The following ENTPD1 variants were observed in gnomAD, a reference collection of about 807,000 sequenced individuals.
The protein encoded by ENTPD1 is ectonucleoside triphosphate diphosphohydrolase 1.
A neutral mutation model predicts 57.0 loss-of-function variants in ENTPD1; 33 were observed. The ratio of observed to expected loss-of-function variants is 0.58; its 90% confidence interval spans 0.44 to 0.77. ENTPD1 has a LOEUF of 0.77. Among genes scored for constraint, ENTPD1 ranks in the 30% least tolerant of loss-of-function variants. The pLI, the probability that ENTPD1 is intolerant of heterozygous loss-of-function variation, is 0.00. For synonymous variants in ENTPD1, 202 were observed against 218.8 expected, an observed-to-expected ratio of 0.92 and a Z score of 0.68; for missense variants, 501 against 603.4, an observed-to-expected ratio of 0.83 and a Z score of 1.78.
At chr10:95,832,836 A>T (rs1179197447) in intron 2 of ENTPD1, among the ~76,000 whole-genome samples, 1 of 152,230 alleles carries the variant, frequency 6.6e-6, no homozygotes, top group East Asian at 1.9e-4. Flanking sequence ...ATTAAATGGA[A>T]TAATACAAGT....
chr10:95,740,438 T>C (rs2139873831), intron 1 of ENTPD1, among the ~76,000 whole-genome samples: 1 of 152,336 alleles, frequency 6.6e-6, no homozygotes, highest in South Asian at 2.1e-4. Flanking sequence ...TTAACGTAAT[T>C]CTTAAAGGCC....
chr10:95,700,789 TA>T, the ENTPD1 span, among the ~76,000 whole-genome samples: 4 of 151,626 alleles, frequency 2.6e-5, no homozygotes, highest in Non-Finnish European at 5.9e-5. Context: ...TATTAAGAAG[TA>T]TATTCTTTTT....
At chr10:95,753,178 AAAAC>A (rs2098014877), upstream of ENTPD1, 1 of 152,192 alleles carries the variant, frequency 6.6e-6, no homozygotes, top group African/African-American at 2.4e-5. Context: ...ATTACAAAAA[AAAAC>A]AATAAAATTG....
chr10:95,805,504 T>G (rs1276851963), intron 1 of ENTPD1, among the ~76,000 whole-genome samples: 1 of 152,220 alleles, frequency 6.6e-6, no homozygotes, highest in Admixed American at 6.5e-5. Flanking sequence ...AAGGTTAATA[T>G]TGTTATGTGT....
rs1340653051 is a variant in ENTPD1 at position 95,844,630 on chromosome 10, A to G, written c.568A>G (p.Ser190Gly). ...TATCAACTATCTGCTGGGCAAATTCAGTCAGGTGAATATCTCACAGCATCC... is the reference window on the plus strand; with the variant it reads ...TATCAACTATCTGCTGGGCAAATTCGGTCAGGTGAATATCTCACAGCATCC... Reference protein sequence around the residue: ...ITINYLLGKFSQKTRWFSIVP... With the variant: ...ITINYLLGKFGQKTRWFSIVP... Residue 190 changes from serine (S) to glycine (G), a missense_variant, in exon 5 of 10, where the codon AGT (serine) becomes GGT (glycine). Coordinates refer to ENST00000371205, the MANE Select transcript of ENTPD1 (RefSeq NM_001776.6). 3 of 1,614,120 alleles carry G rather than the reference A, an allele frequency of 1.9e-6. No individual in the cohort carries two copies. The South Asian group carries it at 3.3e-5, about 18-fold the overall frequency.
chr10:95,728,975 C>G (rs916958148), intron 1 of ENTPD1, among the ~76,000 whole-genome samples: 1 of 152,028 alleles, frequency 6.6e-6, no homozygotes, highest in Non-Finnish European at 1.5e-5. Context: ...AGACTAATAT[C>G]TACATATATT....
intron 1 of ENTPD1, among the ~76,000 whole-genome samples, chr10:95,822,090 C>A (rs1277586495): frequency 1.4e-5 from 2 of 147,990 alleles, no homozygotes; most frequent in Non-Finnish European, 3.0e-5. Flanking sequence ...ACCTCTGCCT[C>A]CTGGGTTCAA....
intron 1 of ENTPD1, among the ~76,000 whole-genome samples, chr10:95,799,795 A>T (rs2098241235): frequency 6.6e-6 from 1 of 152,262 alleles, no homozygotes; most frequent in East Asian, 1.9e-4. Context: ...CCTTGCCAGC[A>T]TCCGTTATTT....
chr10:95,788,210 T>TA (rs1339609677), intron 1 of ENTPD1, among the ~76,000 whole-genome samples: 2 of 152,186 alleles, frequency 1.3e-5, no homozygotes, highest in South Asian at 4.1e-4. Flanking sequence ...CTCAATTTTT[T>TA]AAGAAGGCAG....
At position 95,872,062 on chromosome 10, in the gene ENTPD1, A is replaced by G. The variant is rs2141029189; in HGVS notation, c.*5679A>G. Reference sequence around the variant, plus strand: ...TCAGCTCCATCACTGGGACCTCCCCATTCTGCCTGTGCAATATTTTTCTTT... The same window carrying G: ...TCAGCTCCATCACTGGGACCTCCCCGTTCTGCCTGTGCAATATTTTTCTTT... On this transcript the variant is annotated 3_prime_UTR_variant, in exon 10 of 10. Transcript: ENST00000371205. The G allele has an allele frequency of 1.0e-6, 1 of 985,414 alleles. No homozygotes were observed. Among genetic ancestry groups the G allele is most frequent in the Non-Finnish European group, 1.2e-6 (1 of 829,940 alleles). 61.0% of individuals were successfully genotyped at this position (985,414 alleles called of 1,614,324 possible). A position where few individuals can be genotyped will look rare whatever the true frequency, so the allele number is the denominator to read the frequency against.
intron 8 of ENTPD1, among the ~76,000 whole-genome samples, chr10:95,861,136 T>C (rs1023754680): frequency 1.1e-4 from 17 of 152,304 alleles, no homozygotes; most frequent in Non-Finnish European, 1.9e-4. Flanking sequence ...GCTGGGCACA[T>C]TGTGGCCCAC....
At chr10:95,765,463 T>C (rs2098085022) in intron 1 of ENTPD1, among the ~76,000 whole-genome samples, 1 of 152,234 alleles carries the variant, frequency 6.6e-6, no homozygotes, top group Non-Finnish European at 1.5e-5. Flanking sequence ...CTCCAGTGAA[T>C]TGTTTTGGCA....
At chr10:95,709,948 G>A (rs750255425), upstream of ENTPD1, among the ~76,000 whole-genome samples, 19 of 151,000 alleles carry the variant, frequency 1.3e-4, no homozygotes, top group Non-Finnish European at 2.5e-4. Flanking sequence ...GCTAGTTTTT[G>A]TATTTTTAGT....
chr10:95,828,050 T>C (rs988214226), intron 2 of ENTPD1, among the ~76,000 whole-genome samples: 3 of 152,118 alleles, frequency 2.0e-5, no homozygotes, highest in Non-Finnish European at 2.9e-5. Context: ...AGAAGCTCTA[T>C]CATTTAAAGC....
chr10:95,870,554 C>CA lies in ENTPD1; in HGVS notation c.*4172dup. 5 of 985,166 alleles carry CA rather than the reference C, an allele frequency of 5.1e-6. No homozygotes were observed. Among genetic ancestry groups the CA allele is most frequent in the Middle Eastern group, 5.2e-4 (1 of 1,914 alleles). 61.0% of individuals were successfully genotyped at this position (985,166 alleles called of 1,614,324 possible). On this transcript the variant is annotated 3_prime_UTR_variant, in exon 10 of 10. Coordinates refer to ENST00000371205, the MANE Select transcript of ENTPD1 (RefSeq NM_001776.6). ...TTGGCCTCCCAAAGTGTTGAGATTA[C>CA]AGGCGTAAGCCACTGCACCTGGCCA...
chr10:95,726,900 C>G (rs923991770), intron 1 of ENTPD1, among the ~76,000 whole-genome samples: 9 of 152,112 alleles, frequency 5.9e-5, no homozygotes, highest in African/African-American at 2.2e-4. Flanking sequence ...TCCTTTTGAA[C>G]TTTGTGCTCC....
intron 2 of ENTPD1, among the ~76,000 whole-genome samples, chr10:95,826,854 C>T (rs911769238): frequency 6.6e-6 from 1 of 152,010 alleles, no homozygotes; most frequent in African/African-American, 2.4e-5. Flanking sequence ...AGGAGGATAC[C>T]AGGAAGAGGC....
intron 1 of ENTPD1, among the ~76,000 whole-genome samples, chr10:95,738,630 C>G (rs1022323041): frequency 6.6e-5 from 10 of 152,098 alleles, no homozygotes; most frequent in African/African-American, 2.4e-4. Context: ...CACCTCAAAC[C>G]AAGACTCACC....
chr10:95,829,223 GGAAA>G (rs1378168088), intron 2 of ENTPD1, among the ~76,000 whole-genome samples: 1 of 152,222 alleles, frequency 6.6e-6, no homozygotes, highest in African/African-American at 2.4e-5. Context: ...AAGGAAGAAG[GGAAA>G]GAGAGAGTTA....
Sources: gnomAD v4.1 joint callset for allele counts (sites outside exome capture counted in the v4.1 genomes callset) on GRCh38, gnomAD v4.1.1 for gene constraint, MANE v1.5 for transcripts, NCBI Gene and HGNC (gene_info 2026-07-23, HGNC 2026-07-21) for gene names.